Variants in KCNN2 observed in about 807,000 individuals in gnomAD.
KCNN2 encodes the protein potassium calcium-activated channel subfamily N member 2.
A neutral mutation model predicts 55.5 loss-of-function variants in KCNN2; 24 were observed. The ratio of observed to expected loss-of-function variants is 0.43; its 90% confidence interval spans 0.31 to 0.61. The LOEUF (loss-of-function observed/expected upper bound fraction) is 0.61. Among genes scored for constraint, KCNN2 ranks in the 20% least tolerant of loss-of-function variants. KCNN2 has a pLI of 0.08. For synonymous variants in KCNN2, 431 were observed against 336.1 expected (o/e 1.28, Z -3.09); for missense variants, 754 against 853.6 (o/e 0.88, Z 1.45).
chr5:114,273,259 C>A (rs1755404437), intron 2 of KCNN2, among the ~76,000 whole-genome samples: 1 of 152,174 alleles, frequency 6.6e-6, no homozygotes, highest in Admixed American at 6.5e-5. Context: ...GCCACATTTC[C>A]TTAATCCAGT....
At position 114,267,504 on chromosome 5, in the gene KCNN2, C is replaced by A. The variant is rs115360001; in HGVS notation, c.-185+45939C>A. 7.3e-4 allele frequency among the ~76,000 whole-genome samples: 111 copies of A among 152,190 alleles called. 1 individual carries two copies. Among genetic ancestry groups the A allele is most frequent in the African/African-American group, 2.6e-3 (108 of 41,498 alleles). On this transcript the variant is annotated intron_variant, in intron 2 of 10. Transcript: ENST00000512097. Reference sequence around the variant, plus strand: ...TATATCAAGGGAAAAATAATTTCAACTCTCAGGAGGCCAGAGCCAGAGAAC... The same window carrying A: ...TATATCAAGGGAAAAATAATTTCAAATCTCAGGAGGCCAGAGCCAGAGAAC...
chr5:114,359,249 C>T (rs1284588616), upstream of KCNN2, among the ~76,000 whole-genome samples: 1 of 152,148 alleles, frequency 6.6e-6, no homozygotes, highest in Non-Finnish European at 1.5e-5. Context: ...GACAGTCCCT[C>T]ATGTTGTGAA....
intron 2 of KCNN2, among the ~76,000 whole-genome samples, chr5:114,277,081 C>G (rs1337514376): frequency 2.0e-5 from 3 of 152,064 alleles, no homozygotes; most frequent in Non-Finnish European, 4.4e-5. Context: ...GATTTTATAT[C>G]TTCTTCACTT....
intron 5 of KCNN2, among the ~76,000 whole-genome samples, chr5:114,477,708 A>C (rs201707589): frequency 1.3e-5 from 2 of 152,296 alleles, no homozygotes; most frequent in East Asian, 3.9e-4. Flanking sequence ...TTCTGAGCAA[A>C]CAGGAAATCT....
rs568554848 is a variant in KCNN2 at position 114,061,928 on chromosome 5, G to GA, written c.-271+5434dup. On this transcript the variant is annotated intron_variant, in intron 1 of 10. Transcript: ENST00000512097. ...CAACTGGATGTTTTTCTTGACTAGA[G>GA]AAAAAATACAGGAATCACTTTATCC... 3.6e-3 allele frequency among the ~76,000 whole-genome samples: 551 copies of GA among 152,120 alleles called. 6 individuals carry two copies. Among genetic ancestry groups the GA allele is most frequent in the African/African-American group, 0.013 (528 of 41,528 alleles).
chr5:114,468,246 T>C (rs576004320), intron 4 of KCNN2, among the ~76,000 whole-genome samples: 5 of 152,348 alleles, frequency 3.3e-5, no homozygotes, highest in South Asian at 2.1e-4. Flanking sequence ...GGATATAATA[T>C]TAAAGCAGAG....
rs760205714 is a variant in KCNN2, at chr5:114,363,275, C to A, written c.1122+14C>A. 3 of 1,577,616 alleles carry A rather than the reference C, an allele frequency of 1.9e-6. No homozygotes were observed. The highest frequency in any genetic ancestry group is 1.2e-5 in the South Asian group (1 of 86,312). On this transcript the variant is annotated intron_variant, in intron 1 of 7. Coordinates refer to ENST00000673685, the MANE Select transcript of KCNN2 (RefSeq NM_021614.4). Reference sequence around the variant, plus strand: ...GCCTACGACAAGGTACAGGCTTGAACCCCAGCCCACGCTACCGGAGTCGGG... The same window carrying A: ...GCCTACGACAAGGTACAGGCTTGAAACCCAGCCCACGCTACCGGAGTCGGG...
chr5:114,369,509 G>A (rs1370566238), intron 2 of KCNN2, among the ~76,000 whole-genome samples: 1 of 152,106 alleles, frequency 6.6e-6, no homozygotes, highest in Non-Finnish European at 1.5e-5. Context: ...CTATGAGGTG[G>A]ATAAAAATTA....
chr5:114,090,015 C>T (rs1029809022), intron 1 of KCNN2, among the ~76,000 whole-genome samples: 4 of 152,044 alleles, frequency 2.6e-5, no homozygotes, highest in Non-Finnish European at 5.9e-5. Context: ...ATAGTTATGC[C>T]TCAAGAAAAG....
At chr5:114,123,875 C>A (rs1751876542) in intron 1 of KCNN2, among the ~76,000 whole-genome samples, 4 of 152,158 alleles carry the variant, frequency 2.6e-5, no homozygotes, top group Admixed American at 6.5e-5. Flanking sequence ...ACCTTGGTTT[C>A]TTGATGCTCT....
At chr5:114,063,186 T>G (rs531560854) in intron 1 of KCNN2, among the ~76,000 whole-genome samples, 2 of 152,290 alleles carry the variant, frequency 1.3e-5, no homozygotes, top group African/African-American at 4.8e-5. Context: ...GTAAAAAAGT[T>G]TCATGCAGCC....
At chr5:114,423,009 C>T (rs140154546) in intron 3 of KCNN2, among the ~76,000 whole-genome samples, 240 of 152,340 alleles carry the variant, frequency 1.6e-3, no homozygotes, top group Non-Finnish European at 2.6e-3. Flanking sequence ...CCACATCTCC[C>T]AGCACATAAG....
chr5:114,286,904 C>T (rs1219236056), intron 2 of KCNN2, among the ~76,000 whole-genome samples: 1 of 152,078 alleles, frequency 6.6e-6, no homozygotes, highest in Non-Finnish European at 1.5e-5. Flanking sequence ...GTCTATTAAG[C>T]AGTTAGAAAT....
chr5:114,192,788 T>G (rs184265296), intron 1 of KCNN2, among the ~76,000 whole-genome samples: 5 of 152,256 alleles, frequency 3.3e-5, no homozygotes. Flanking sequence ...TTTTAGTGGT[T>G]GTTTTATCTG....
intron 1 of KCNN2, among the ~76,000 whole-genome samples, chr5:114,087,195 C>T (rs1174563302): frequency 6.6e-6 from 1 of 151,956 alleles, no homozygotes; most frequent in Non-Finnish European, 1.5e-5. Context: ...GGATGCATAG[C>T]TCATGACTAT....
chr5:114,214,713 G>T (rs908067035), intron 1 of KCNN2, among the ~76,000 whole-genome samples: 1 of 152,058 alleles, frequency 6.6e-6, no homozygotes, highest in Non-Finnish European at 1.5e-5. Flanking sequence ...AATGAAAATG[G>T]ATTAATGGGA....
intron 2 of KCNN2, among the ~76,000 whole-genome samples, chr5:114,350,069 C>T (rs1050976834): frequency 3.3e-5 from 5 of 151,888 alleles, no homozygotes; most frequent in African/African-American, 1.2e-4. Flanking sequence ...AATGTCTATT[C>T]AGAGATTTTG....
At chr5:114,440,469 C>T (rs775814163) in intron 3 of KCNN2, among the ~76,000 whole-genome samples, 64 of 152,192 alleles carry the variant, frequency 4.2e-4, no homozygotes, top group South Asian at 1.5e-3. Context: ...TTTTTGACAT[C>T]TTAAATGTGA....
At chr5:114,073,337 A>C (rs1750616659) in intron 1 of KCNN2, among the ~76,000 whole-genome samples, 2 of 152,208 alleles carry the variant, frequency 1.3e-5, no homozygotes, top group South Asian at 4.1e-4. Context: ...ACTTTTGAGT[A>C]ACTTCTTACA....
Sources: gnomAD v4.1 joint callset for allele counts (sites outside exome capture counted in the v4.1 genomes callset) on GRCh38, gnomAD v4.1.1 for gene constraint, MANE v1.5 for transcripts, NCBI Gene and HGNC (gene_info 2026-07-23, HGNC 2026-07-21) for gene names.